Variants in KCNH8 observed in about 807,000 individuals in gnomAD.
KCNH8 encodes the protein potassium voltage-gated channel subfamily H member 8.
Under a neutral mutation model 103.6 loss-of-function variants are expected in KCNH8, and 70 were observed. The ratio of observed to expected loss-of-function variants is 0.68; its 90% confidence interval spans 0.56 to 0.82. The LOEUF is 0.82. KCNH8 is among the 40% of genes least tolerant of loss of function. The pLI, the probability that KCNH8 is intolerant of heterozygous loss-of-function variation, is 0.00. For synonymous variants in KCNH8, 498 were observed against 489.4 expected (o/e 1.02, Z -0.23); for missense variants, 1,217 against 1,329.9 (o/e 0.92, Z 1.32).
At position 19,390,757 on chromosome 3, in the gene KCNH8, T is replaced by C. The variant is rs147461726; in HGVS notation, c.969+119T>C. 9 of 893,032 alleles carry C rather than the reference T, an allele frequency of 1.0e-5. No homozygotes were observed. The African/African-American group carries it at 1.5e-4, about 15-fold the overall frequency. The allele number at this position is 893,032 out of a possible 1,614,324, so 55.3% of individuals were successfully genotyped here. A position where few individuals can be genotyped will look rare whatever the true frequency, so the allele number is the denominator to read the frequency against. On this transcript the variant is annotated intron_variant, in intron 6 of 15. Transcript: ENST00000328405. Reference sequence around the variant, plus strand: ...GGTTTTGTGCCTTCTTCAATAAAGATGCCCTGATGCCCAGTGATATGCAGG... The same window carrying C: ...GGTTTTGTGCCTTCTTCAATAAAGACGCCCTGATGCCCAGTGATATGCAGG...
chr3:19,401,200 G>T (rs1006482535), intron 7 of KCNH8, among the ~76,000 whole-genome samples: 1 of 151,964 alleles, frequency 6.6e-6, no homozygotes, highest in East Asian at 1.9e-4. Context: ...AAACTCCACA[G>T]TGATGCTGGT....
chr3:19,288,178 C>CTTCTTTTTTTTT (rs2064860977), intron 3 of KCNH8, among the ~76,000 whole-genome samples: 1 of 79,160 alleles, frequency 1.3e-5, no homozygotes, highest in African/African-American at 7.0e-5. Context: ...GTGTATCAAA[C>CTTCTTTTTTTTT]TTCTTTTTTT....
chr3:19,423,076 T>C (rs1041296458), intron 7 of KCNH8, among the ~76,000 whole-genome samples: 39 of 152,204 alleles, frequency 2.6e-4, no homozygotes, highest in African/African-American at 8.7e-4. Context: ...AACACCAGCA[T>C]AAGGATTGAA....
At chr3:19,505,867 T>C (rs2068682724) in intron 11 of KCNH8, among the ~76,000 whole-genome samples, 3 of 152,232 alleles carry the variant, frequency 2.0e-5, no homozygotes, top group African/African-American at 7.2e-5. Context: ...TTCTTTTTTA[T>C]TCTTTTTTAT....
intron 15 of KCNH8, among the ~76,000 whole-genome samples, chr3:19,525,182 CAT>C (rs1459402480): frequency 7.9e-5 from 12 of 151,640 alleles, no homozygotes; most frequent in Admixed American, 7.9e-4. Context: ...AGTAATATAA[CAT>C]AAATATATAT....
At chr3:19,392,122 A>G (rs2066445956) in intron 6 of KCNH8, among the ~76,000 whole-genome samples, 1 of 150,348 alleles carries the variant, frequency 6.7e-6, no homozygotes, top group Non-Finnish European at 1.5e-5. Flanking sequence ...TATATAACAT[A>G]CATTTTTATA....
At chr3:19,288,884 A>G (rs2064875858) in intron 3 of KCNH8, among the ~76,000 whole-genome samples, 1 of 152,128 alleles carries the variant, frequency 6.6e-6, no homozygotes, top group African/African-American at 2.4e-5. Context: ...CACCCTCTCC[A>G]GCACCTGTTG....
At chr3:19,525,922 A>G (rs1429984776) in intron 15 of KCNH8, among the ~76,000 whole-genome samples, 1 of 151,966 alleles carries the variant, frequency 6.6e-6, no homozygotes, top group Admixed American at 6.6e-5. Flanking sequence ...GCTGACAGAT[A>G]AAAAGACTAT....
chr3:19,436,496 C>T (rs1169143853), intron 7 of KCNH8, among the ~76,000 whole-genome samples: 1 of 152,194 alleles, frequency 6.6e-6, no homozygotes, highest in East Asian at 1.9e-4. Context: ...GCCCACATAG[C>T]CAATCCTCGG....
intron 1 of KCNH8, among the ~76,000 whole-genome samples, chr3:19,157,721 A>G (rs1424221741): frequency 6.6e-6 from 1 of 151,942 alleles, no homozygotes; most frequent in Non-Finnish European, 1.5e-5. Flanking sequence ...TGAAGTTCAG[A>G]ATTTTTTAAT....
intron 11 of KCNH8, among the ~76,000 whole-genome samples, chr3:19,507,526 G>A (rs1448976369): frequency 4.6e-5 from 7 of 152,114 alleles, no homozygotes; most frequent in Non-Finnish European, 7.3e-5. Flanking sequence ...GCCCCACAGC[G>A]ATTAGGGCAG....
intron 11 of KCNH8, among the ~76,000 whole-genome samples, chr3:19,475,989 C>T (rs943020900): frequency 1.6e-4 from 24 of 152,138 alleles, no homozygotes; most frequent in Admixed American, 6.6e-4. Context: ...ATTGGCCATA[C>T]GTCTACTACC....
intron 7 of KCNH8, among the ~76,000 whole-genome samples, chr3:19,437,164 GTAGT>G (rs1256693578): frequency 3.3e-5 from 5 of 152,096 alleles, no homozygotes; most frequent in Non-Finnish European, 7.4e-5. Flanking sequence ...TTAGAAAGTA[GTAGT>G]TAGTATCCAT....
chr3:19,396,185 C>A (rs1465545097), intron 7 of KCNH8, among the ~76,000 whole-genome samples: 1 of 151,982 alleles, frequency 6.6e-6, no homozygotes, highest in Non-Finnish European at 1.5e-5. Flanking sequence ...TCTTCTCTAT[C>A]AAAAATCAAT....
chr3:19,355,935 A>T (rs967700954), intron 5 of KCNH8, among the ~76,000 whole-genome samples: 3 of 151,726 alleles, frequency 2.0e-5, no homozygotes, highest in African/African-American at 7.3e-5. Context: ...ATTTACATGT[A>T]TATTTAACAT....
At chr3:19,380,817 T>G (rs2066278537) in intron 5 of KCNH8, among the ~76,000 whole-genome samples, 1 of 152,254 alleles carries the variant, frequency 6.6e-6, no homozygotes, top group Admixed American at 6.5e-5. Context: ...TTTGTGATTT[T>G]ACTGTTCACA....
chr3:19,195,435 T>G (rs2063591465), intron 1 of KCNH8, among the ~76,000 whole-genome samples: 1 of 151,918 alleles, frequency 6.6e-6, no homozygotes, highest in East Asian at 1.9e-4. Context: ...TATATTCATG[T>G]TGACAGGGTA....
intron 3 of KCNH8, among the ~76,000 whole-genome samples, chr3:19,301,005 ATTC>A (rs2065058041): frequency 6.6e-6 from 1 of 151,782 alleles, no homozygotes; most frequent in Non-Finnish European, 1.5e-5. Context: ...CTTACAAGAT[ATTC>A]TTCTAAGTAT....
At chr3:19,314,567 C>G in intron 3 of KCNH8, among the ~76,000 whole-genome samples, 1 of 151,800 alleles carries the variant, frequency 6.6e-6, no homozygotes, top group Non-Finnish European at 1.5e-5. Context: ...AAAACCCTGT[C>G]TCTAAACAAA....
Sources: allele counts gnomAD v4.1 joint callset (sites outside exome capture counted in the v4.1 genomes callset), GRCh38; gene constraint gnomAD v4.1.1; transcripts MANE v1.5; gene names NCBI Gene and HGNC (gene_info 2026-07-23, HGNC 2026-07-21).